RBBP6: variants seen among roughly 807,000 people sequenced by gnomAD.
RBBP6 encodes RB binding protein 6, ubiquitin ligase.
RBBP6 carries 25 observed loss-of-function variants against 167.7 expected under a neutral mutation model. That is an observed-to-expected ratio of 0.15 (90% CI 0.11 to 0.21). The LOEUF is 0.21. Among genes scored for constraint, RBBP6 ranks in the 10% least tolerant of loss-of-function variants. The pLI is 1.00. For missense variants in RBBP6, 1,868 were observed against 2,134.2 expected (o/e 0.88, Z 2.46); for synonymous variants, 789 against 735.8 (o/e 1.07, Z -1.17).
At chr16:24,543,891 G>A (rs1448077052) in intron 1 of RBBP6, among the ~76,000 whole-genome samples, 1 of 151,946 alleles carries the variant, frequency 6.6e-6, no homozygotes, top group African/African-American at 2.4e-5. Flanking sequence ...TTTCATCCAT[G>A]CCTTTCATGT....
chr16:24,542,962 GGTTT>G (rs1367690686), intron 1 of RBBP6, among the ~76,000 whole-genome samples: 1 of 151,916 alleles, frequency 6.6e-6, no homozygotes, highest in African/African-American at 2.4e-5. Flanking sequence ...TTTGATGTTC[GGTTT>G]GTTAAGAAAA....
At position 24,569,961 on chromosome 16, in the gene RBBP6, G is replaced by T. The variant is rs779199460; in HGVS notation, c.3271G>T (p.Ala1091Ser). 2.5e-6 allele frequency: 4 copies of T among 1,600,618 alleles called. No individual in the cohort carries two copies. Among genetic ancestry groups the T allele is most frequent in the South Asian group, 2.3e-5 (2 of 87,822 alleles). ...AAAAATCACTGGAACCCCCAGAAAA[G>T]CTCACTCTAAATCAGCAAAAGAACA... ...DEKITGTPRKAHSKSAKEHQE... is the reference protein window; with the variant it reads ...DEKITGTPRKSHSKSAKEHQE... Residue 1091 changes from alanine to serine, a missense_variant, in exon 17 of 18, where the codon GCT becomes TCT. Ala to Ser is a moderately conservative substitution (Grantham distance 99). Coordinates refer to ENST00000319715, the MANE Select transcript of RBBP6 (RefSeq NM_006910.5).
intron 3 of RBBP6, 69 bp from the exon 4 acceptor site, chr16:24,553,444 G>A (rs1229730221): frequency 7.5e-7 from 1 of 1,325,814 alleles, no homozygotes; most frequent in Non-Finnish European, 1.1e-6. Flanking sequence ...GTGTCAATAG[G>A]GGCTAAATGA....
At chr16:24,555,771 C>G (rs1005291872) in intron 5 of RBBP6, 50 bp from the exon 6 acceptor site, 1 of 1,586,150 alleles carries the variant, frequency 6.3e-7, no homozygotes, top group Non-Finnish European at 8.7e-7. Flanking sequence ...ATCAAAAGCA[C>G]TATTTTTTCA....
At position 24,570,137 on chromosome 16, in the gene RBBP6, A is replaced by G. The variant is rs1899291152; in HGVS notation, c.3447A>G (p.Arg1149=). The part of the protein sequence containing the change: ...PLDNKGEKRK[R]KTEEKGVDKD... Reference sequence around the variant, plus strand: ...ATAATAAGGGAGAAAAAAGAAAAAGAAAAACTGAAGAAAAAGGCGTAGATA... The same window carrying G: ...ATAATAAGGGAGAAAAAAGAAAAAGGAAAACTGAAGAAAAAGGCGTAGATA... The change falls in exon 17 of 18, where the codon AGA becomes AGG. Residue 1149 remains arginine (R), a synonymous_variant. Transcript: ENST00000319715. 5 of 1,587,028 alleles carry G rather than the reference A, an allele frequency of 3.2e-6. No individual in the cohort carries two copies. In the African/African-American group the frequency reaches 6.9e-5, roughly 22 times the overall value.
intron 7 of RBBP6, among the ~76,000 whole-genome samples, chr16:24,557,590 G>T (rs1367462281): frequency 6.6e-6 from 1 of 151,828 alleles, no homozygotes; most frequent in Non-Finnish European, 1.5e-5. Context: ...AAAAGATCCT[G>T]GTTGCTCCGC....
At position 24,567,347 on chromosome 16, in the gene RBBP6, T is replaced by C; in HGVS notation, c.1794T>C (p.Ser598=). Residue 598 remains serine (S), a synonymous_variant, in exon 15 of 18, where the codon AGT becomes AGC. Transcript: ENST00000319715. ...GCCAGCCACCACCCGCTGGGTATAG[T>C]GTCCCTCCTCCAGGGTTTCCTCCAG... The part of the protein sequence containing the change: ...PPGQPPPAGY[S]VPPPGFPPAP... The C allele has an allele frequency of 6.2e-7, 1 of 1,614,132 alleles. No individual in the cohort carries two copies. Among genetic ancestry groups the C allele is most frequent in the Non-Finnish European group, 8.5e-7 (1 of 1,180,016 alleles).
intron 7 of RBBP6, 96 bp downstream of exon 7, chr16:24,556,543 C>T: frequency 2.9e-6 from 4 of 1,359,034 alleles, no homozygotes; most frequent in Non-Finnish European, 3.9e-6. Context: ...ACTTGGATTC[C>T]TTGAGAACTT....
intron 13 of RBBP6, among the ~76,000 whole-genome samples, chr16:24,564,585 ATTG>A (rs1356012354): frequency 6.6e-6 from 1 of 152,248 alleles, no homozygotes; most frequent in Non-Finnish European, 1.5e-5. Context: ...AGGTCTAGTT[ATTG>A]TTATGATACA....
Position 24,568,747 on chromosome 16 carries a change from C to G in RBBP6, c.2057C>G (p.Ser686Cys), listed in dbSNP as rs1206493926. ...CTATTGTTTTGTTTTGTTTTTAGGT[C>G]TAAATCTCCCTATAGTGGTTCTTCG... is the stretch of plus-strand genomic sequence containing the variant. ...QKERRRSFSRSKSPYSGSSYS... is the reference protein window; with the variant it reads ...QKERRRSFSRCKSPYSGSSYS... Residue 686 changes from serine to cysteine, a missense_variant and splice_region_variant, in exon 17 of 18, where the codon TCT becomes TGT. Around this residue, in one of 7 missense-constraint regions of RBBP6, gnomAD observed 145 missense variants for 224.3 expected, o/e 0.65. Transcript: ENST00000319715. The G allele has an allele frequency of 6.2e-7, 1 of 1,606,568 alleles. No homozygotes were observed. The highest frequency in any genetic ancestry group is 1.3e-5 in the African/African-American group (1 of 74,630).
At chr16:24,563,962 T>A (rs549688649) in intron 13 of RBBP6, among the ~76,000 whole-genome samples, 1 of 152,262 alleles carries the variant, frequency 6.6e-6, no homozygotes, top group South Asian at 2.1e-4. Context: ...AATGAATAGA[T>A]AAGAATTACT....
intron 13 of RBBP6, 102 bp downstream of exon 13, chr16:24,563,766 G>T (rs980813264): frequency 1.0e-6 from 1 of 998,056 alleles, no homozygotes; most frequent in Admixed American, 2.6e-5. Context: ...AAACTAGGCA[G>T]CGGGTCGCTG....
At chr16:24,550,906 A>T (rs564075837) in intron 3 of RBBP6, among the ~76,000 whole-genome samples, 14 of 151,996 alleles carry the variant, frequency 9.2e-5, no homozygotes, top group Admixed American at 3.3e-4. Context: ...ATCTTAGGAG[A>T]TTTAGAGTCA....
intron 6 of RBBP6, 34 bp downstream of exon 6, chr16:24,555,951 C>CT (rs951736005): frequency 1.3e-6 from 2 of 1,496,584 alleles, no homozygotes; most frequent in South Asian, 1.1e-5. Context: ...GTATATCTTA[C>CT]TTTTTTTCCT....
chr16:24,569,131 G>T lies in RBBP6; in HGVS notation c.2441G>T (p.Arg814Ile). Residue 814 changes from arginine to isoleucine, a missense_variant, in exon 17 of 18, where the codon AGA becomes ATA. By Grantham distance (97) the Arg-to-Ile change is moderately conservative (BLOSUM62 -3). Transcript: ENST00000319715. ...TATGACATGAAAGCATATTATGGGA[G>T]AAGTGTTGACTTTAGAGACCCATTT... ...PPYDMKAYYG[R>I]SVDFRDPFEK... is the part of the protein sequence containing the mutation. 1 of 1,612,986 alleles carries T rather than the reference G, an allele frequency of 6.2e-7. No individual in the cohort carries two copies. The highest frequency in any genetic ancestry group is 1.3e-5 in the African/African-American group (1 of 74,894).
At position 24,569,080 on chromosome 16, in the gene RBBP6, A is replaced by G. The variant is rs1028962274; in HGVS notation, c.2390A>G (p.Asn797Ser). The change falls in exon 17 of 18, where the codon AAT becomes AGT. Residue 797 changes from asparagine (N) to serine (S), a missense_variant. By Grantham distance (46) the Asn-to-Ser change is conservative (BLOSUM62 1). This residue lies in a region of RBBP6 where 673 missense variants were observed against 691.5 expected (regional missense o/e 0.97). Transcript: ENST00000319715. ...GGGGAAACAGAACGTGAATATTTTA[A>G]TAGATACAGAGAAGTTCCACCACCA... ...PQGETEREYF[N>S]RYREVPPPYD... 2 of 1,614,176 alleles carry G rather than the reference A, an allele frequency of 1.2e-6. No individual in the cohort carries two copies. Among genetic ancestry groups the G allele is most frequent in the Non-Finnish European group, 1.7e-6 (2 of 1,179,996 alleles).
At chr16:24,551,773 C>T (rs769470271) in intron 3 of RBBP6, among the ~76,000 whole-genome samples, 15 of 151,194 alleles carry the variant, frequency 9.9e-5, no homozygotes, top group Non-Finnish European at 1.8e-4. Context: ...ATATTCTATT[C>T]TAGATAGTAA....
chr16:24,556,277 T>A, intron 6 of RBBP6, 31 bp from the exon 7 acceptor site: 1 of 1,504,666 alleles, frequency 6.6e-7, no homozygotes, highest in South Asian at 1.1e-5. Flanking sequence ...CTTTTTCTCT[T>A]CCTCCTCCTC....
intron 17 of RBBP6, 63 bp downstream of exon 17, chr16:24,570,562 C>A: frequency 2.9e-6 from 4 of 1,379,814 alleles, no homozygotes; most frequent in Non-Finnish European, 2.9e-6. Flanking sequence ...TCAGTTTTAT[C>A]CATGCTTGTG....
Sources: gnomAD v4.1 joint callset for allele counts (sites outside exome capture counted in the v4.1 genomes callset) on GRCh38, gnomAD v4.1.1 for gene constraint, gnomAD v4.1.1 regional missense constraint, MANE v1.5 for transcripts, NCBI Gene and HGNC (gene_info 2026-07-23, HGNC 2026-07-21) for gene names.